The following TMX3 variants were observed in gnomAD, a reference collection of about 807,000 sequenced individuals.
The protein encoded by TMX3 is protein disulfide-isomerase TMX3.
TMX3 carries 40 observed loss-of-function variants against 64.4 expected under a neutral mutation model. The observed-to-expected ratio is 0.62, with a 90% CI of 0.48 to 0.81. The LOEUF (loss-of-function observed/expected upper bound fraction) is 0.81. Ranked by LOEUF, TMX3 falls within the 30% of genes least tolerant of loss-of-function variation. TMX3 has a pLI of 0.00. For synonymous variants in TMX3, 189 were observed against 175.7 expected, an observed-to-expected ratio of 1.08 and a Z score of -0.60; for missense variants, 497 against 534.5, an observed-to-expected ratio of 0.93 and a Z score of 0.69.
chr18:68,685,538 A>G (rs1261808019), intron 10 of TMX3, among the ~76,000 whole-genome samples: 1 of 152,178 alleles, frequency 6.6e-6, no homozygotes, highest in Non-Finnish European at 1.5e-5. Flanking sequence ...CAAAATGTCT[A>G]CAACATGCAG....
At chr18:68,690,161 C>A (rs1429033210) in intron 9 of TMX3, among the ~76,000 whole-genome samples, 2 of 152,100 alleles carry the variant, frequency 1.3e-5, no homozygotes, top group Non-Finnish European at 1.5e-5. Context: ...CTACTGCTCT[C>A]ATCTAGTCCT....
At chr18:68,684,628 C>G in intron 10 of TMX3, 143 bp from the exon 11 acceptor site, 2 of 680,284 alleles carry the variant, frequency 2.9e-6, no homozygotes, top group Non-Finnish European at 5.0e-6. Context: ...CAAATTAAAT[C>G]AACACATTAC....
chr18:68,679,831 T>C (rs1913248385), intron 14 of TMX3, among the ~76,000 whole-genome samples: 1 of 152,156 alleles, frequency 6.6e-6, no homozygotes, highest in South Asian at 2.1e-4. Context: ...AACCAGCTTT[T>C]GAGTTTAGCT....
rs72955911 is a variant in TMX3, at chr18:68,700,370, A to G, written c.392+35T>C. On this transcript the variant is annotated intron_variant, in intron 6 of 15. Transcript: ENST00000299608. ...AAATATATTTAATTTTCAAATATTAATAACATACAGTAAAGGCCTTTCCTA... is the reference window on the plus strand; with the variant it reads ...AAATATATTTAATTTTCAAATATTAGTAACATACAGTAAAGGCCTTTCCTA... 0.21 allele frequency: 275,252 copies of G among 1,335,464 alleles called. 31,478 individuals are homozygous for G. The highest frequency in any genetic ancestry group is 0.23 in the Non-Finnish European group (226,019 of 969,974). 82.7% of individuals were successfully genotyped at this position (1,335,464 alleles called of 1,614,324 possible). A position where few individuals can be genotyped will look rare whatever the true frequency, so the allele number is the denominator to read the frequency against.
At chr18:68,687,411 T>G in intron 10 of TMX3, 1 of 985,408 alleles carries the variant, frequency 1.0e-6, no homozygotes, top group Non-Finnish European at 1.2e-6. Flanking sequence ...TCTCACTCTC[T>G]TATTACCCAG....
chr18:68,687,905 A>G, intron 9 of TMX3, 140 bp from the exon 10 acceptor site: 1 of 520,346 alleles, frequency 1.9e-6, no homozygotes, highest in South Asian at 4.3e-5. Flanking sequence ...ATTTATTGCA[A>G]GCATACAATC....
At chr18:68,681,422 A>G in intron 13 of TMX3, 4 of 968,822 alleles carry the variant, frequency 4.1e-6, no homozygotes, top group Non-Finnish European at 4.9e-6. Context: ...TGCACAATTC[A>G]AACTTATGTT....
chr18:68,712,181 T>C (rs1240893157), intron 2 of TMX3, among the ~76,000 whole-genome samples: 2 of 151,992 alleles, frequency 1.3e-5, no homozygotes, highest in Admixed American at 1.3e-4. Flanking sequence ...TTGGAACACA[T>C]AGGAATGGCT....
In TMX3 at chr18:68,711,369, C is replaced by T; in HGVS notation, c.136G>A (p.Val46Ile). ...TATAAAATTTACATACTTACATCTA[C>T]AAGCCAAATGTCATCATTTCGATTT... ...KENRNDDIWL[V>I]DFYAPWCGHC... Residue 46 changes from valine to isoleucine, a missense_variant, in exon 3 of 16, where the codon GTA (valine) becomes ATA (isoleucine). Around this residue, in one of 3 missense-constraint regions of TMX3, gnomAD observed 360 missense variants for 383.5 expected, o/e 0.94. Transcript: ENST00000299608. 1 of 1,586,144 alleles carries T rather than the reference C, an allele frequency of 6.3e-7. No homozygotes were observed.
In TMX3 at chr18:68,697,724, A is replaced by T. The variant is rs539443751; in HGVS notation, c.492+208T>A. 2.1e-5 allele frequency: 10 copies of T among 473,562 alleles called. No individual in the cohort carries two copies. In the East Asian group the frequency reaches 2.9e-4, roughly 14 times the overall value. The allele number at this position is 473,562 out of a possible 1,614,324, so 29.3% of individuals were successfully genotyped here. On this transcript the variant is annotated intron_variant, in intron 7 of 15. Coordinates refer to ENST00000299608, the MANE Select transcript of TMX3 (RefSeq NM_019022.5). ...AAAAATGCTAAGGCAGGCAACATTT[A>T]CTCACTTTTTACACACTTCTGTTTC...
intron 13 of TMX3, among the ~76,000 whole-genome samples, chr18:68,681,941 TCC>T (rs1435967054): frequency 1.3e-5 from 2 of 152,212 alleles, no homozygotes; most frequent in Admixed American, 1.3e-4. Context: ...TGAAATACTA[TCC>T]CTGTGTTCTT....
chr18:68,676,775 C>G lies in TMX3; in HGVS notation c.*158G>C, dbSNP rs933026744. On this transcript the variant is annotated 3_prime_UTR_variant, in exon 16 of 16. Coordinates refer to ENST00000299608, the MANE Select transcript of TMX3 (RefSeq NM_019022.5). ...TTCATCTCTTTGCTCCAAACACTTC[C>G]CCATGTATGGAGGGACTACTTTAAT... 4 of 870,386 alleles carry G rather than the reference C, an allele frequency of 4.6e-6. No individual in the cohort carries two copies. In the African/African-American group the frequency reaches 6.8e-5, roughly 15 times the overall value. The allele number at this position is 870,386 out of a possible 1,614,324, so 53.9% of individuals were successfully genotyped here.
At chr18:68,711,169 G>C (rs985422664) in intron 3 of TMX3, among the ~76,000 whole-genome samples, 195 bp downstream of exon 3, 10 of 152,004 alleles carry the variant, frequency 6.6e-5, no homozygotes, top group Admixed American at 4.6e-4. Flanking sequence ...TCAAAAATAC[G>C]TTCCCTCGCA....
intron 15 of TMX3, among the ~76,000 whole-genome samples, chr18:68,678,229 A>G (rs922056084): frequency 6.6e-6 from 1 of 152,116 alleles, no homozygotes; most frequent in Non-Finnish European, 1.5e-5. Context: ...AGAGTCCCAG[A>G]ATTTACTTCT....
rs1912914744 is a variant in TMX3 at position 68,676,221 on chromosome 18, TA to T, written c.*711del. 1 of 152,164 alleles carries T rather than the reference TA, an allele frequency of 6.6e-6. No homozygotes were observed. The highest frequency in any genetic ancestry group is 2.1e-4 in the South Asian group (1 of 4,830). The allele number at this position is 152,164 out of a possible 1,614,324, so 9.4% of individuals were successfully genotyped here. ...CTACAATGACTGATGAAATACCTGT[TA>T]GTATTCCAAGGAATGGGCTGAAACC... On this transcript the variant is annotated 3_prime_UTR_variant, in exon 16 of 16. Transcript: ENST00000299608.
intron 4 of TMX3, 27 bp downstream of exon 4, chr18:68,709,994 A>C (rs1417658595): frequency 4.5e-6 from 7 of 1,556,844 alleles, no homozygotes; most frequent in Non-Finnish European, 6.1e-6. Context: ...TGAGAACAGT[A>C]AAATAATAAA....
intron 7 of TMX3, 31 bp downstream of exon 7, chr18:68,697,901 T>A (rs749573915): frequency 2.2e-6 from 3 of 1,372,944 alleles, no homozygotes; most frequent in Non-Finnish European, 3.1e-6. Flanking sequence ...TTACAATACA[T>A]CTGTTTTTGT....
Position 68,682,830 on chromosome 18 carries a change from C to T in TMX3, c.905+95G>A, listed in dbSNP as rs574083523. On this transcript the variant is annotated intron_variant, in intron 13 of 15. Coordinates refer to ENST00000299608, the MANE Select transcript of TMX3 (RefSeq NM_019022.5). ...TGCATCTGAATATGTCAACTGTTTGCTATTTTTCAGCTATTTAATCCTTCT... is the reference window on the plus strand; with the variant it reads ...TGCATCTGAATATGTCAACTGTTTGTTATTTTTCAGCTATTTAATCCTTCT... 2.7e-3 allele frequency: 2,694 copies of T among 1,009,424 alleles called. 20 individuals carry two copies. Among genetic ancestry groups the T allele is most frequent in the South Asian group, 2.4e-3 (133 of 55,144 alleles). The allele number at this position is 1,009,424 out of a possible 1,614,324, so 62.5% of individuals were successfully genotyped here.
chr18:68,708,760 G>A (rs538756254), intron 4 of TMX3, among the ~76,000 whole-genome samples: 17 of 152,102 alleles, frequency 1.1e-4, no homozygotes, highest in Non-Finnish European at 2.2e-4. Context: ...TGCCTGACCT[G>A]GGAAGCTCTT....
Sources: allele counts gnomAD v4.1 joint callset (sites outside exome capture counted in the v4.1 genomes callset), GRCh38; gene constraint gnomAD v4.1.1; regional missense constraint gnomAD v4.1.1; transcripts MANE v1.5; gene names NCBI Gene and HGNC (gene_info 2026-07-23, HGNC 2026-07-21).